The following NDRG4 variants were observed in gnomAD, a reference collection of about 807,000 sequenced individuals.
NDRG4 encodes the protein NDRG family member 4, also known as protein NDRG4.
In NDRG4, 38 loss-of-function variants were observed where a neutral mutation model predicts 55.8. That is an observed-to-expected ratio of 0.68 (90% CI 0.53 to 0.89). The LOEUF (loss-of-function observed/expected upper bound fraction) is 0.89, where lower values mean the gene tolerates loss of function less well. Ranked by LOEUF, NDRG4 falls within the 40% of genes least tolerant of loss-of-function variation. The pLI, the probability that NDRG4 is intolerant of heterozygous loss-of-function variation, is 0.00. For missense variants in NDRG4, 455 were observed against 468.6 expected, an observed-to-expected ratio of 0.97 and a Z score of 0.27; for synonymous variants, 190 against 182.7, an observed-to-expected ratio of 1.04 and a Z score of -0.32.
chr16:58,500,990 G>C, intron 1 of NDRG4: 1 of 1,245,436 alleles, frequency 8.0e-7, no homozygotes, highest in Non-Finnish European at 1.0e-6. Flanking sequence ...TTTTGTAGGT[G>C]GGGGAAGGCA....
chr16:58,494,199 C>T (rs757827824), intron 2 of NDRG4, among the ~76,000 whole-genome samples: 9 of 152,194 alleles, frequency 5.9e-5, no homozygotes, highest in Non-Finnish European at 1.0e-4. Context: ...GGGTAGAACA[C>T]GCACTAGCCA....
chr16:58,507,159 C>T (rs1025134936), intron 8 of NDRG4, 144 bp downstream of exon 8: 1 of 667,674 alleles, frequency 1.5e-6, no homozygotes, highest in South Asian at 1.7e-5. Flanking sequence ...AGGTCATTTC[C>T]TGCACAAGGT....
chr16:58,503,095 C>T (rs1263641663), intron 1 of NDRG4, among the ~76,000 whole-genome samples: 6 of 152,200 alleles, frequency 3.9e-5, no homozygotes, highest in Non-Finnish European at 8.8e-5. Context: ...GGGGTAGAAC[C>T]AGGTCTTCCT....
intron 1 of NDRG4, chr16:58,502,238 A>G: frequency 2.9e-6 from 1 of 342,332 alleles, no homozygotes; most frequent in Non-Finnish European, 5.9e-6. Context: ...GTCAGTGGTC[A>G]GTGGCGGGGA....
At chr16:58,479,760 T>C (rs749206952) in intron 1 of NDRG4, among the ~76,000 whole-genome samples, 1 of 152,202 alleles carries the variant, frequency 6.6e-6, no homozygotes, top group Admixed American at 6.5e-5. Context: ...AAAACAGATG[T>C]AGTTCTTGTC....
rs2037471282 is a variant in NDRG4, at chr16:58,503,790, C to G, written c.22-8C>G. On this transcript the variant is annotated splice_polypyrimidine_tract_variant and splice_region_variant and intron_variant, in intron 1 of 14. Transcript: ENST00000570248. ...CCCAGAGTGTCCAGCACGGTCTCTC[C>G]CCTTCAGGAACATGACATCGAGACA... The G allele has an allele frequency of 6.2e-7, 1 of 1,613,746 alleles. No homozygotes were observed.
chr16:58,502,033 G>A (rs1243693885), intron 1 of NDRG4: 1 of 455,874 alleles, frequency 2.2e-6, no homozygotes, highest in Admixed American at 2.3e-5. Context: ...CTGGTCAGGA[G>A]CTCCCTCGGG....
intron 2 of NDRG4, among the ~76,000 whole-genome samples, chr16:58,490,234 C>G (rs1056848438): frequency 6.6e-6 from 1 of 152,226 alleles, no homozygotes; most frequent in African/African-American, 2.4e-5. Flanking sequence ...CATCCCATCG[C>G]AAGTGCTGAA....
Position 58,504,377 on chromosome 16 carries a change from G to A in NDRG4, c.267G>A (p.Met89Ile). The A allele has an allele frequency of 6.2e-7, 1 of 1,613,252 alleles. No individual in the cohort carries two copies. Among genetic ancestry groups the A allele is most frequent in the Non-Finnish European group, 8.5e-7 (1 of 1,180,010 alleles). The part of the protein sequence containing the change: ...QFPQGYQFPS[M>I]EQLAAMLPSV... ...CCTGCAGGTACCAGTTCCCCTCCAT[G>A]GAGCAGCTGGCTGCCATGCTCCCCA... The change falls in exon 4 of 15, where the codon ATG (methionine) becomes ATA (isoleucine). Residue 89 changes from methionine (M) to isoleucine (I), a missense_variant. Physicochemically the swap from Met to Ile is conservative, Grantham distance 10. Transcript: ENST00000570248.
intron 1 of NDRG4, among the ~76,000 whole-genome samples, chr16:58,469,774 CAT>C (rs1184061022): frequency 5.3e-5 from 8 of 152,306 alleles, no homozygotes; most frequent in Non-Finnish European, 8.8e-5. Flanking sequence ...GTGCGCCAGA[CAT>C]AGTCTTAACC....
rs1454118235 is a variant in NDRG4 at position 58,504,218 on chromosome 16, G to C, written c.192G>C (p.Val64=). 4 of 1,614,052 alleles carry C rather than the reference G, an allele frequency of 2.5e-6. No individual in the cohort carries two copies. Among genetic ancestry groups the C allele is most frequent in the Non-Finnish European group, 2.5e-6 (3 of 1,180,034 alleles). Residue 64 remains valine (V), a synonymous_variant, in exon 3 of 15, where the codon GTG becomes GTC. Coordinates refer to ENST00000570248, the MANE Select transcript of NDRG4 (RefSeq NM_001242835.2). ...EDMQEITKHF[V]VCHVDAPGQQ... ...TGCAGGAGATCACCAAGCACTTTGT[G>C]GTGTGTCACGTGGATGCCCCTGGAC...
chr16:58,487,760 C>T (rs2035276284), exon 2 of NDRG4: 1 of 1,540,500 alleles, frequency 6.5e-7, no homozygotes, highest in Non-Finnish European at 8.8e-7. Context: ...CCCTAGGCCT[C>T]CTGCTCCACG....
In NDRG4 at chr16:58,503,897, C is replaced by T. The variant is rs766812164; in HGVS notation, c.121C>T (p.Leu41Phe). ...CATCCTCACCTACCATGATGTGGGC[C>T]TCAACCGTAAGTGCAGCCCAGCCTC... is the stretch of plus-strand genomic sequence containing the variant. The part of the protein sequence containing the change: ...PAILTYHDVG[L>F]NHKLCFNTFF... The change falls in exon 2 of 15, where the codon CTC (leucine) becomes TTC (phenylalanine). Residue 41 changes from leucine (L) to phenylalanine (F), a missense_variant. Physicochemically the swap from Leu to Phe is conservative, Grantham distance 22. Transcript: ENST00000570248. The T allele has an allele frequency of 6.2e-7, 1 of 1,613,704 alleles. No homozygotes were observed.
At chr16:58,478,702 T>TTTG (rs777146344) in intron 1 of NDRG4, among the ~76,000 whole-genome samples, 6 of 146,232 alleles carry the variant, frequency 4.1e-5, no homozygotes, top group Non-Finnish European at 8.9e-5. Flanking sequence ...TTTTTGTTTT[T>TTTG]TTTTTTTGTA....
chr16:58,511,566 T>C lies in NDRG4; in HGVS notation c.1049T>C (p.Val350Ala). The change falls in exon 15 of 15, where the codon GTG becomes GCG. Residue 350 changes from valine (V) to alanine (A), a missense_variant. Val to Ala is a moderately conservative substitution (Grantham distance 64, BLOSUM62 0). Transcript: ENST00000570248. ...GGCCAGGTCAACCACACCATGGAGG[T>C]GTCCTGTTGAAGCCCTTGATCCCGC... The part of the protein sequence containing the change: ...GLGQVNHTME[V>A]SC 2 of 1,612,880 alleles carry C rather than the reference T, an allele frequency of 1.2e-6. No homozygotes were observed. The highest frequency in any genetic ancestry group is 8.5e-7 in the Non-Finnish European group (1 of 1,179,930).
At chr16:58,500,027 TATGGGAG>T, upstream of NDRG4, 1 of 1,304,262 alleles carries the variant, frequency 7.7e-7, no homozygotes, top group Non-Finnish European at 1.0e-6. Flanking sequence ...CAGCAGCCAA[TATGGGAG>T]CTGGGGCTCC....
At chr16:58,488,010 C>G (rs2035318826) in intron 2 of NDRG4, among the ~76,000 whole-genome samples, 1 of 152,118 alleles carries the variant, frequency 6.6e-6, no homozygotes, top group Non-Finnish European at 1.5e-5. Context: ...GGCCTGAGTG[C>G]CACCCAGACC....
Position 58,506,447 on chromosome 16 carries a change from G to A in NDRG4, c.433G>A (p.Gly145Ser). The change falls in exon 6 of 15, where the codon GGC (glycine) becomes AGC (serine). Residue 145 changes from glycine (G) to serine (S), a missense_variant. Transcript: ENST00000570248. ...GGTGAACATCGACCCCAATGGCAAA[G>A]GCTGGATAGACTGGGCTGCCACCAA... ...VLVNIDPNGK[G>S]WIDWAATKLS... 3.1e-6 allele frequency: 5 copies of A among 1,613,382 alleles called. No homozygotes were observed.
chr16:58,489,546 C>A (rs1043094052), intron 2 of NDRG4, among the ~76,000 whole-genome samples: 2 of 151,942 alleles, frequency 1.3e-5, no homozygotes, highest in African/African-American at 4.8e-5. Context: ...CCTCTCTAAC[C>A]CCTGGGTCTA....
Sources: allele counts gnomAD v4.1 joint callset (sites outside exome capture counted in the v4.1 genomes callset), GRCh38; gene constraint gnomAD v4.1.1; transcripts MANE v1.5; gene names NCBI Gene and HGNC (gene_info 2026-07-23, HGNC 2026-07-21).